Variants in FBXW10B observed in about 807,000 individuals in gnomAD.
FBXW10B encodes the protein F-box and WD repeat domain containing 10B, also known as F-box and WD repeat domain containing protein 10B.
At chr17:15,603,747 G>T in the FBXW10B span, among the ~76,000 whole-genome samples, 9 of 144,340 alleles carry the variant, frequency 6.2e-5, 1 homozygote, top group African/African-American at 2.3e-4. Flanking sequence ...TCCAAGACCC[G>T]TCTCTGGCAG....
the FBXW10B span, among the ~76,000 whole-genome samples, chr17:15,571,277 A>T: frequency 6.6e-6 from 1 of 151,946 alleles, no homozygotes; most frequent in Non-Finnish European, 1.5e-5. Context: ...CCCAGGAAGC[A>T]GATGTTGCAG....
chr17:15,614,252 G>A, the FBXW10B span, among the ~76,000 whole-genome samples: 2 of 152,038 alleles, frequency 1.3e-5, no homozygotes, highest in African/African-American at 2.4e-5. Flanking sequence ...GTAGTGGCGC[G>A]ATCTCGGCTC....
the FBXW10B span, among the ~76,000 whole-genome samples, chr17:15,595,931 T>C: frequency 6.6e-6 from 1 of 151,428 alleles, no homozygotes; most frequent in Non-Finnish European, 1.5e-5. Context: ...TTTTTTTTTT[T>C]TGAGACGCAT....
chr17:15,598,934 T>C, the FBXW10B span: 2 of 368,814 alleles, frequency 5.4e-6, no homozygotes, highest in Non-Finnish European at 9.9e-6. Context: ...CCCAACACTT[T>C]GGGAGGCTGA....
At chr17:15,565,629 A>C in the FBXW10B span, 1 of 1,614,252 alleles carries the variant, frequency 6.2e-7, no homozygotes, top group Non-Finnish European at 8.5e-7. Flanking sequence ...TGATCCATGC[A>C]GCTTTGCTGG....
At chr17:15,583,673 A>C in the FBXW10B span, among the ~76,000 whole-genome samples, 1 of 151,200 alleles carries the variant, frequency 6.6e-6, no homozygotes, top group Admixed American at 6.6e-5. Context: ...AGGAAAGAAG[A>C]AGCTCAGCAA....
chr17:15,596,860 C>T, the FBXW10B span, among the ~76,000 whole-genome samples: 1 of 152,162 alleles, frequency 6.6e-6, no homozygotes, highest in South Asian at 2.1e-4. Flanking sequence ...CAGCACAGAG[C>T]GCCCTGAATA....
At chr17:15,596,325 C>T in the FBXW10B span, 8 of 357,804 alleles carry the variant, frequency 2.2e-5, no homozygotes, top group East Asian at 3.3e-4. Context: ...ATGATGTGGG[C>T]GGTGGAGCCC....
chr17:15,616,852 C>A, the FBXW10B span, among the ~76,000 whole-genome samples: 7 of 150,218 alleles, frequency 4.7e-5, no homozygotes, highest in African/African-American at 1.7e-4. Flanking sequence ...GTTGCCACAA[C>A]CTGTAATAGG....
At chr17:15,602,753 G>A in the FBXW10B span, among the ~76,000 whole-genome samples, 1,785 of 114,646 alleles carry the variant, frequency 0.016, 310 homozygotes, top group East Asian at 0.049. Flanking sequence ...TCAGCCTCCC[G>A]AGTAGCTGGG....
chr17:15,566,583 C>T, the FBXW10B span, among the ~76,000 whole-genome samples: 8 of 151,344 alleles, frequency 5.3e-5, no homozygotes, highest in African/African-American at 7.3e-5. Flanking sequence ...GTTTTTGAGA[C>T]GGAGTCTCGC....
At chr17:15,576,286 T>C in the FBXW10B span, among the ~76,000 whole-genome samples, 1 of 152,236 alleles carries the variant, frequency 6.6e-6, no homozygotes, top group Non-Finnish European at 1.5e-5. Flanking sequence ...CAAATAATTA[T>C]TTTCTTCAAT....
the FBXW10B span, among the ~76,000 whole-genome samples, chr17:15,597,055 A>T: frequency 7.9e-6 from 1 of 127,360 alleles, no homozygotes; most frequent in East Asian, 2.6e-4. Flanking sequence ...GGTAAAATTA[A>T]AAAAAAAAAA....
At chr17:15,590,028 G>A in the FBXW10B span, among the ~76,000 whole-genome samples, 3,361 of 152,156 alleles carry the variant, frequency 0.022, 53 homozygotes, top group Non-Finnish European at 0.037. Context: ...CCCCATCCAC[G>A]TGGGAGGCAG....
the FBXW10B span, among the ~76,000 whole-genome samples, chr17:15,612,458 G>C: frequency 2.0e-5 from 3 of 151,982 alleles, no homozygotes; most frequent in African/African-American, 4.8e-5. Flanking sequence ...AGCTTGCAGT[G>C]AGCCAAGACT....
the FBXW10B span, chr17:15,605,246 G>C: frequency 6.3e-7 from 1 of 1,594,408 alleles, no homozygotes; most frequent in East Asian, 2.3e-5. Context: ...CATAGCTCCC[G>C]CTTAGGAGAA....
the FBXW10B span, chr17:15,607,686 A>G: frequency 3.1e-6 from 5 of 1,611,922 alleles, no homozygotes; most frequent in South Asian, 5.5e-5. Flanking sequence ...TACTCATTCT[A>G]ACAAGGGAAT....
At chr17:15,570,202 A>G in the FBXW10B span, among the ~76,000 whole-genome samples, 2 of 152,218 alleles carry the variant, frequency 1.3e-5, no homozygotes, top group African/African-American at 4.8e-5. Flanking sequence ...GATACCAAAG[A>G]AGGAATACAT....
At chr17:15,612,712 A>G in the FBXW10B span, 607 of 1,613,586 alleles carry the variant, frequency 3.8e-4, 1 homozygote, top group Middle Eastern at 9.9e-4. Context: ...TTCGTTCTCA[A>G]CTTCCACTTC....
Sources: allele counts gnomAD v4.1 joint callset (sites outside exome capture counted in the v4.1 genomes callset), GRCh38; gene constraint gnomAD v4.1.1; transcripts MANE v1.5; gene names NCBI Gene and HGNC (gene_info 2026-07-23, HGNC 2026-07-21).